The following TMEM132D variants were observed in gnomAD, a reference collection of about 807,000 sequenced individuals.
TMEM132D encodes mature OL transmembrane protein.
TMEM132D carries 21 observed loss-of-function variants against 62.3 expected under a neutral mutation model. The ratio of observed to expected loss-of-function variants is 0.34; its 90% confidence interval spans 0.24 to 0.49. TMEM132D has a LOEUF of 0.49. Ranked by LOEUF, TMEM132D falls within the 20% of genes least tolerant of loss-of-function variation. The pLI, the probability that TMEM132D is intolerant of heterozygous loss-of-function variation, is 0.99. For missense variants in TMEM132D, 1,346 were observed against 1,402.8 expected, an observed-to-expected ratio of 0.96 and a Z score of 0.65; for synonymous variants, 621 against 575.6, an observed-to-expected ratio of 1.08 and a Z score of -1.13.
intron 2 of TMEM132D, among the ~76,000 whole-genome samples, chr12:129,610,297 G>A (rs1217992356): frequency 2.7e-5 from 4 of 149,330 alleles, no homozygotes; most frequent in African/African-American, 7.4e-5. Flanking sequence ...AAAAAAAAGA[G>A]AGACAGAGAG....
chr12:129,513,563 C>G (rs1407888047), intron 3 of TMEM132D, among the ~76,000 whole-genome samples: 1 of 151,914 alleles, frequency 6.6e-6, no homozygotes, highest in Non-Finnish European at 1.5e-5. Flanking sequence ...CGGCTCACTG[C>G]AAGCTTCGCC....
intron 4 of TMEM132D, chr12:129,211,840 C>A (rs10773612): frequency 0.56 from 84,544 of 152,020 alleles, 24,222 homozygotes; most frequent in East Asian, 0.86. Context: ...ATGGCACAAA[C>A]ATGAAGGGGC....
intron 2 of TMEM132D, among the ~76,000 whole-genome samples, chr12:129,658,414 A>T (rs1476315423): frequency 6.6e-6 from 1 of 152,192 alleles, no homozygotes; most frequent in Non-Finnish European, 1.5e-5. Context: ...CTATTCCTGT[A>T]AACTTCTTAC....
intron 4 of TMEM132D, among the ~76,000 whole-genome samples, chr12:129,276,312 T>G (rs1320449885): frequency 1.3e-5 from 2 of 152,186 alleles, no homozygotes; most frequent in Non-Finnish European, 2.9e-5. Flanking sequence ...CATGGGAAAC[T>G]CAGTTATCGG....
chr12:129,161,724 G>C (rs758612393), intron 5 of TMEM132D, among the ~76,000 whole-genome samples: 4 of 152,294 alleles, frequency 2.6e-5, no homozygotes, highest in Admixed American at 6.5e-5. Context: ...AGGCCCCCTG[G>C]AGGCTGACCT....
intron 5 of TMEM132D, among the ~76,000 whole-genome samples, chr12:129,105,245 G>C (rs1200247610): frequency 6.9e-6 from 1 of 144,096 alleles, no homozygotes; most frequent in Non-Finnish European, 1.5e-5. Context: ...CCTTTGTAGG[G>C]ACATGGATGA....
intron 2 of TMEM132D, among the ~76,000 whole-genome samples, chr12:129,591,540 G>GTT (rs11463425): frequency 0.31 from 46,278 of 147,522 alleles, 7,834 homozygotes; most frequent in Non-Finnish European, 0.39. Flanking sequence ...TGGCTTTTGG[G>GTT]TTTTTTTTTT....
At chr12:129,773,986 T>G (rs1349693055) in intron 1 of TMEM132D, among the ~76,000 whole-genome samples, 1 of 152,162 alleles carries the variant, frequency 6.6e-6, no homozygotes, top group African/African-American at 2.4e-5. Context: ...ACCAGGAGCA[T>G]AGGATACACT....
At chr12:129,366,407 C>T (rs979928695) in intron 3 of TMEM132D, among the ~76,000 whole-genome samples, 3 of 152,204 alleles carry the variant, frequency 2.0e-5, no homozygotes, top group Non-Finnish European at 4.4e-5. Flanking sequence ...CCTGCTCCCT[C>T]TCTCTTGCTC....
At chr12:129,489,733 T>C (rs1874704169) in intron 3 of TMEM132D, among the ~76,000 whole-genome samples, 1 of 152,266 alleles carries the variant, frequency 6.6e-6, no homozygotes, top group Non-Finnish European at 1.5e-5. Context: ...GTAAATGAGT[T>C]CATAATTACT....
chr12:129,813,325 C>T lies in TMEM132D; in HGVS notation c.79+89936G>A, dbSNP rs537572781. Among the ~76,000 whole-genome samples the T allele has an allele frequency of 6.6e-5, 10 of 151,886 alleles. 2 individuals carry two copies. In the Middle Eastern group the frequency reaches 0.02, roughly 310 times the overall value. On this transcript the variant is annotated intron_variant, in intron 1 of 8. Transcript: ENST00000422113. ...CACAACTGTCAGTGAGAACTTGAAA[C>T]AAACATAAATAAGACCATCCAATTT...
intron 1 of TMEM132D, among the ~76,000 whole-genome samples, chr12:129,736,129 G>T (rs1869415880): frequency 4.1e-4 from 1 of 2,414 alleles, no homozygotes; most frequent in South Asian, 0.083. Flanking sequence ...CATTTCCATT[G>T]TTTCCTTTTT....
At chr12:129,450,128 T>TAACATTGTGCA (rs1873228978) in intron 3 of TMEM132D, among the ~76,000 whole-genome samples, 1 of 152,208 alleles carries the variant, frequency 6.6e-6, no homozygotes, top group Non-Finnish European at 1.5e-5. Flanking sequence ...AGATGCACAG[T>TAACATTGTGCA]TTGTAAACAT....
At chr12:129,231,319 C>T (rs993517189) in intron 4 of TMEM132D, among the ~76,000 whole-genome samples, 2 of 152,158 alleles carry the variant, frequency 1.3e-5, no homozygotes, top group Admixed American at 6.6e-5. Context: ...TGCATTATGG[C>T]CATGTTCTCT....
chr12:129,773,419 GA>G (rs1870820561), intron 1 of TMEM132D, among the ~76,000 whole-genome samples: 1 of 152,140 alleles, frequency 6.6e-6, no homozygotes. Flanking sequence ...GATTTCAGTG[GA>G]ATCAGCAGAG....
At chr12:129,356,654 C>A (rs371275897) in intron 3 of TMEM132D, among the ~76,000 whole-genome samples, 1 of 116,072 alleles carries the variant, frequency 8.6e-6, no homozygotes. Context: ...CCTGTCTCTA[C>A]AATAAATAAA....
At chr12:129,136,056 A>G (rs1876547975) in intron 5 of TMEM132D, among the ~76,000 whole-genome samples, 1 of 152,192 alleles carries the variant, frequency 6.6e-6, no homozygotes, top group Admixed American at 6.5e-5. Context: ...CTCATAACAG[A>G]TGGCACATTA....
chr12:129,546,530 C>G (rs1281042432), intron 2 of TMEM132D, among the ~76,000 whole-genome samples: 1 of 152,074 alleles, frequency 6.6e-6, no homozygotes, highest in East Asian at 1.9e-4. Context: ...GGAGAGGATC[C>G]ATTGCAAGGC....
intron 2 of TMEM132D, among the ~76,000 whole-genome samples, chr12:129,539,410 T>TC (rs1187590827): frequency 1.4e-5 from 2 of 146,662 alleles, no homozygotes; most frequent in African/African-American, 5.0e-5. Flanking sequence ...TTTTTCTTTT[T>TC]TTTTTTTTTT....
Sources: gnomAD v4.1 joint callset for allele counts (sites outside exome capture counted in the v4.1 genomes callset) on GRCh38, gnomAD v4.1.1 for gene constraint, MANE v1.5 for transcripts, NCBI Gene and HGNC (gene_info 2026-07-23, HGNC 2026-07-21) for gene names.